KCNMB2: variants seen among roughly 807,000 people sequenced by gnomAD.
The protein encoded by KCNMB2 is calcium-activated potassium channel subunit beta-2.
KCNMB2 carries 9 observed loss-of-function variants against 24.5 expected under a neutral mutation model. The ratio of observed to expected loss-of-function variants is 0.37; its 90% confidence interval spans 0.22 to 0.64. KCNMB2 has a LOEUF of 0.64. KCNMB2 is among the 30% of genes least tolerant of loss of function. KCNMB2 has a pLI of 0.63. For missense variants in KCNMB2, 226 were observed against 284.3 expected, an observed-to-expected ratio of 0.79 and a Z score of 1.47; for synonymous variants, 109 against 104.4, an observed-to-expected ratio of 1.04 and a Z score of -0.27.
At chr3:178,704,073 A>T (rs961208908) in intron 1 of KCNMB2, among the ~76,000 whole-genome samples, 75 of 152,260 alleles carry the variant, frequency 4.9e-4, no homozygotes, top group African/African-American at 1.7e-3. Flanking sequence ...AATTTGAAAG[A>T]TATGGCATTA....
rs34063119 is a variant in KCNMB2, at chr3:178,760,507, CGTGTGTGT to C, written c.-67-46815_-67-46808del. ...ATATATAATGTATCTCCAAGAGTTT[CGTGTGTGT>C]GTGTGTGTGTGTGTGTGTGTTTGTG... On this transcript the variant is annotated intron_variant, in intron 1 of 4. Coordinates refer to ENST00000452583, the MANE Select transcript of KCNMB2 (RefSeq NM_181361.3). Among the ~76,000 whole-genome samples the C allele has an allele frequency of 1.4e-4, 16 of 117,440 alleles. 1 individual carries two copies. The East Asian group carries it at 1.4e-3, about 11-fold the overall frequency. The allele number at this position is 117,440 out of a possible 152,430, so 77.0% of individuals were successfully genotyped here. A position where few individuals can be genotyped will look rare whatever the true frequency, so the allele number is the denominator to read the frequency against.
chr3:178,736,463 C>A (rs988645275), intron 1 of KCNMB2, among the ~76,000 whole-genome samples: 7 of 152,192 alleles, frequency 4.6e-5, no homozygotes, highest in African/African-American at 1.7e-4. Flanking sequence ...CCTTTCCAGA[C>A]CTTTTCACTC....
At chr3:178,711,652 T>A (rs553374398) in intron 1 of KCNMB2, among the ~76,000 whole-genome samples, 13 of 152,238 alleles carry the variant, frequency 8.5e-5, no homozygotes, top group Non-Finnish European at 1.2e-4. Context: ...TTCAGAACAG[T>A]CCAAAAGCCC....
chr3:178,676,916 T>A (rs969859214), intron 1 of KCNMB2, among the ~76,000 whole-genome samples: 5 of 152,068 alleles, frequency 3.3e-5, no homozygotes, highest in African/African-American at 1.2e-4. Context: ...GAAGGCCTAA[T>A]CCCCGTGTCA....
chr3:178,837,295 C>T (rs3856779), intron 4 of KCNMB2, among the ~76,000 whole-genome samples: 97,969 of 152,054 alleles, frequency 0.64, 33,490 homozygotes, highest in African/African-American at 0.87. Flanking sequence ...AGGCTTTATG[C>T]ATATTCATCA....
intron 1 of KCNMB2, among the ~76,000 whole-genome samples, chr3:178,586,519 T>TTTTCTTTTTTTTTTC (rs1717433589): frequency 2.9e-5 from 4 of 139,560 alleles, no homozygotes; most frequent in African/African-American, 1.1e-4. Flanking sequence ...AGCAATTTTC[T>TTTTCTTTTTTTTTTC]TTTCTTTTTT....
intron 1 of KCNMB2, among the ~76,000 whole-genome samples, chr3:178,617,301 G>C (rs1360086518): frequency 6.6e-6 from 1 of 152,118 alleles, no homozygotes; most frequent in Non-Finnish European, 1.5e-5. Flanking sequence ...GCTCACGCCT[G>C]TAATCCCAGC....
In KCNMB2 at chr3:178,843,241, G is replaced by A. The variant is rs886314033; in HGVS notation, c.*304G>A. The A allele has an allele frequency of 1.0e-5, 5 of 494,348 alleles. No homozygotes were observed. The highest frequency in any genetic ancestry group is 2.0e-5 in the Non-Finnish European group (5 of 252,352). The allele number at this position is 494,348 out of a possible 1,614,324, so 30.6% of individuals were successfully genotyped here. A position where few individuals can be genotyped will look rare whatever the true frequency, so the allele number is the denominator to read the frequency against. ...AGTTATTCATTTGCCAAGCTTCGTG[G>A]AGGAATGTAGGTGACATCAATGTGA... On this transcript the variant is annotated 3_prime_UTR_variant, in exon 5 of 5. Transcript: ENST00000452583.
chr3:178,601,345 AAAAT>A (rs1390840897), intron 1 of KCNMB2, among the ~76,000 whole-genome samples: 14 of 152,116 alleles, frequency 9.2e-5, no homozygotes, highest in Non-Finnish European at 7.3e-5. Flanking sequence ...AAGTATAATA[AAAAT>A]AAATAAATAA....
chr3:178,745,670 A>C (rs113014355), intron 1 of KCNMB2, among the ~76,000 whole-genome samples: 1,696 of 152,304 alleles, frequency 0.011, 36 homozygotes, highest in African/African-American at 0.038. Context: ...TGTAAAATCA[A>C]AAGCAGGTTC....
At chr3:178,783,852 G>A (rs942102567) in intron 1 of KCNMB2, among the ~76,000 whole-genome samples, 35 of 152,210 alleles carry the variant, frequency 2.3e-4, no homozygotes, top group Middle Eastern at 6.8e-3. Flanking sequence ...GGTGAGAGAG[G>A]GCATCCCTGT....
At chr3:178,676,765 A>G (rs2108589195) in intron 1 of KCNMB2, among the ~76,000 whole-genome samples, 1 of 152,276 alleles carries the variant, frequency 6.6e-6, no homozygotes, top group African/African-American at 2.4e-5. Context: ...ATGCTACACA[A>G]CTTTCTCATG....
intron 1 of KCNMB2, among the ~76,000 whole-genome samples, chr3:178,715,094 AAGAG>A (rs1218079625): frequency 1.3e-5 from 2 of 152,340 alleles, no homozygotes; most frequent in African/African-American, 4.8e-5. Context: ...GGATTTTAAA[AAGAG>A]AGAAAGAGAG....
intron 1 of KCNMB2, among the ~76,000 whole-genome samples, chr3:178,720,090 A>C (rs990304448): frequency 5.3e-5 from 8 of 152,030 alleles, no homozygotes; most frequent in African/African-American, 1.9e-4. Context: ...TTAACTCGTC[A>C]TTTAGCATTA....
At chr3:178,825,833 AG>A in intron 3 of KCNMB2, 75 bp downstream of exon 3, 3 of 1,163,708 alleles carry the variant, frequency 2.6e-6, no homozygotes, top group Non-Finnish European at 3.7e-6. Flanking sequence ...GGCAACCCTA[AG>A]GTCATCTTCC....
At chr3:178,664,630 G>T (rs1720652997) in intron 1 of KCNMB2, among the ~76,000 whole-genome samples, 1 of 151,946 alleles carries the variant, frequency 6.6e-6, no homozygotes, top group African/African-American at 2.4e-5. Flanking sequence ...GTATCTGAAA[G>T]ATTCATTTTT....
chr3:178,679,047 G>GTTTT (rs368633480), intron 1 of KCNMB2, among the ~76,000 whole-genome samples: 46,092 of 149,822 alleles, frequency 0.31, 7,470 homozygotes, highest in African/African-American at 0.41. Context: ...TTTGTTTTTT[G>GTTTT]TTTTGTTTTT....
chr3:178,558,234 G>T (rs1374778766), intron 1 of KCNMB2, among the ~76,000 whole-genome samples: 1 of 152,108 alleles, frequency 6.6e-6, no homozygotes, highest in African/African-American at 2.4e-5. Context: ...TAATAATTCA[G>T]TTGCCACACT....
intron 1 of KCNMB2, among the ~76,000 whole-genome samples, chr3:178,620,166 G>A (rs962244620): frequency 1.3e-5 from 2 of 152,018 alleles, no homozygotes; most frequent in African/African-American, 2.4e-5. Context: ...AGCCCTCAAA[G>A]TAATATTTTT....
Sources: gnomAD v4.1 joint callset for allele counts (sites outside exome capture counted in the v4.1 genomes callset) on GRCh38, gnomAD v4.1.1 for gene constraint, MANE v1.5 for transcripts, NCBI Gene and HGNC (gene_info 2026-07-23, HGNC 2026-07-21) for gene names.